Variants in RIPK2 observed in about 807,000 individuals in gnomAD.
RIPK2 encodes the protein receptor-interacting serine/threonine-protein kinase 2.
In RIPK2, 38 loss-of-function variants were observed where a neutral mutation model predicts 60.9. That is an observed-to-expected ratio of 0.62 (90% confidence interval 0.48 to 0.82). RIPK2 has a LOEUF of 0.82. Ranked by LOEUF, RIPK2 falls within the 40% of genes least tolerant of loss-of-function variation. The pLI is 0.00. For synonymous variants in RIPK2, 225 were observed against 223.4 expected, an observed-to-expected ratio of 1.01 and a Z score of -0.06; for missense variants, 518 against 647.0, an observed-to-expected ratio of 0.80 and a Z score of 2.16.
chr8:89,772,706 A>G lies in RIPK2; in HGVS notation c.731A>G (p.Gln244Arg). The G allele has an allele frequency of 6.2e-7, 1 of 1,611,356 alleles. No homozygotes were observed. The highest frequency in any genetic ancestry group is 8.5e-7 in the Non-Finnish European group (1 of 1,178,170). Residue 244 changes from glutamine (Q) to arginine (R), a missense_variant, in exon 6 of 11, where the codon CAA becomes CGA. Physicochemically the swap from Gln to Arg is conservative, Grantham distance 43. This residue lies in a region of RIPK2 where 448 missense variants were observed against 534.7 expected (regional missense o/e 0.84). Coordinates refer to ENST00000220751, the MANE Select transcript of RIPK2 (RefSeq NM_003821.6). The stretch of plus-strand genomic sequence containing the variant: ...TTGCAGATAATGTATAGTGTGTCAC[A>G]AGGACATCGACCTGTTATTAATGAA... Reference protein sequence around the residue: ...NPLQIMYSVSQGHRPVINEES... With the variant: ...NPLQIMYSVSRGHRPVINEES...
intron 3 of RIPK2, among the ~76,000 whole-genome samples, chr8:89,767,270 TA>T (rs1400354406): frequency 6.6e-6 from 1 of 151,766 alleles, no homozygotes; most frequent in Non-Finnish European, 1.5e-5. Flanking sequence ...TTTGAGTAAT[TA>T]ATACTAAATG....
chr8:89,773,735 A>T (rs1230766441), intron 6 of RIPK2, among the ~76,000 whole-genome samples: 1 of 152,212 alleles, frequency 6.6e-6, no homozygotes, highest in African/African-American at 2.4e-5. Context: ...GAGTTACAGA[A>T]TTAAGATAGT....
In RIPK2 at chr8:89,769,779, AT is replaced by A; in HGVS notation, c.495del (p.Phe165LeufsTer8). ...LDNEFHVKIA[D>X]FGLSKWRMMS... Reference sequence around the variant, plus strand: ...TGCTCTTGTCCCTTACAGATTGCAGATTTTGGTTTATCAAAGTGGCGCATGA... The same window carrying A: ...TGCTCTTGTCCCTTACAGATTGCAGATTTGGTTTATCAAAGTGGCGCATGA... On this transcript the variant is annotated frameshift_variant, in exon 4 of 11. Transcript: ENST00000220751. LOFTEE classifies it high-confidence loss of function. 6.3e-7 allele frequency: 1 copy of A among 1,589,984 alleles called. No individual in the cohort carries two copies. The highest frequency in any genetic ancestry group is 8.5e-7 in the Non-Finnish European group (1 of 1,170,396).
At chr8:89,763,091 C>A in intron 2 of RIPK2, 109 bp downstream of exon 2, 1 of 672,546 alleles carries the variant, frequency 1.5e-6, no homozygotes, top group Non-Finnish European at 2.2e-6. Flanking sequence ...ATAGATGAAT[C>A]AAAGAATAAT....
Position 89,758,172 on chromosome 8 carries a change from G to T in RIPK2, c.112G>T (p.Ala38Ser). ...TGGCACTGTGTCGTCCGCCCGCCAC[G>T]CAGACTGGCGCGTCCAGGTGGCCGT... ...ASGTVSSARHADWRVQVAVKH... is the reference protein window; with the variant it reads ...ASGTVSSARHSDWRVQVAVKH... Residue 38 changes from alanine to serine, a missense_variant, in exon 1 of 11, where the codon GCA becomes TCA. Around this residue, in one of 3 missense-constraint regions of RIPK2, gnomAD observed 448 missense variants for 534.7 expected, o/e 0.84. Transcript: ENST00000220751. 1.2e-6 allele frequency: 2 copies of T among 1,609,644 alleles called. No homozygotes were observed. The highest frequency in any genetic ancestry group is 1.7e-6 in the Non-Finnish European group (2 of 1,178,594).
intron 9 of RIPK2, among the ~76,000 whole-genome samples, chr8:89,787,099 G>T (rs1303831267): frequency 1.3e-5 from 2 of 152,076 alleles, no homozygotes; most frequent in Admixed American, 1.3e-4. Flanking sequence ...CTGGGAGGGA[G>T]GTTGCAGTGA....
intron 3 of RIPK2, among the ~76,000 whole-genome samples, chr8:89,767,148 A>T (rs1178463677): frequency 3.3e-5 from 5 of 151,704 alleles, no homozygotes; most frequent in Non-Finnish European, 7.4e-5. Flanking sequence ...GTAATCTGTG[A>T]TCCACCTTGA....
rs142758819 is a variant in RIPK2 at position 89,758,141 on chromosome 8, C to T, written c.81C>T (p.Gly27=). The change falls in exon 1 of 11, where the codon GGC becomes GGT. Residue 27 remains glycine, a synonymous_variant. Transcript: ENST00000220751. ...KLADLRYLSR[G]ASGTVSSARH... ...CCGACCTGCGCTACCTGAGCCGCGGCGCCTCTGGCACTGTGTCGTCCGCCC... is the reference window on the plus strand; with the variant it reads ...CCGACCTGCGCTACCTGAGCCGCGGTGCCTCTGGCACTGTGTCGTCCGCCC... The T allele has an allele frequency of 2.1e-4, 343 of 1,599,426 alleles. 1 individual carries two copies. In the African/African-American group the frequency reaches 4.0e-3, roughly 19 times the overall value.
intron 6 of RIPK2, 147 bp from the exon 7 acceptor site, chr8:89,779,928 T>C: frequency 1.8e-6 from 1 of 569,308 alleles, no homozygotes; most frequent in South Asian, 2.1e-5. Context: ...TGTCTATCTT[T>C]ATGTCAGTAA....
intron 6 of RIPK2, 152 bp from the exon 7 acceptor site, chr8:89,779,923 A>G (rs1809470558): frequency 1.8e-6 from 1 of 558,624 alleles, no homozygotes; most frequent in African/African-American, 2.0e-5. Context: ...GCTTATGTCT[A>G]TCTTTATGTC....
chr8:89,785,308 C>T (rs1183132467), intron 8 of RIPK2, among the ~76,000 whole-genome samples: 1 of 152,104 alleles, frequency 6.6e-6, no homozygotes, highest in Non-Finnish European at 1.5e-5. Context: ...AACCCCATCT[C>T]TACTAAACAT....
At chr8:89,783,841 A>C (rs1476637467) in intron 7 of RIPK2, among the ~76,000 whole-genome samples, 2 of 152,212 alleles carry the variant, frequency 1.3e-5, no homozygotes, top group Non-Finnish European at 2.9e-5. Flanking sequence ...ACCAATTAAT[A>C]TGAGCCAGGA....
At chr8:89,775,342 T>C (rs970630866) in intron 6 of RIPK2, among the ~76,000 whole-genome samples, 1 of 152,086 alleles carries the variant, frequency 6.6e-6, no homozygotes. Context: ...TCCCAGCTAC[T>C]TGGGAGGCTG....
Position 89,789,463 on chromosome 8 carries a change from C to A in RIPK2, c.1266C>A (p.Leu422=). ...TPCSSAIINP[L]STAGNSERLQ... The stretch of plus-strand genomic sequence containing the variant: ...GCTCTTCAGCAATAATAAATCCACT[C>A]TCAACTGCAGGAAACTCAGGTAAAT... Residue 422 remains leucine (L), a synonymous_variant, in exon 10 of 11, where the codon CTC becomes CTA. Coordinates refer to ENST00000220751, the MANE Select transcript of RIPK2 (RefSeq NM_003821.6). The A allele has an allele frequency of 6.2e-7, 1 of 1,613,674 alleles. No individual in the cohort carries two copies. Among genetic ancestry groups the A allele is most frequent in the Non-Finnish European group, 8.5e-7 (1 of 1,179,900 alleles).
intron 6 of RIPK2, among the ~76,000 whole-genome samples, chr8:89,778,992 T>G (rs1023504728): frequency 1.3e-5 from 2 of 152,236 alleles, no homozygotes; most frequent in African/African-American, 4.8e-5. Flanking sequence ...TAATTATATT[T>G]TAGTGAGTAT....
chr8:89,762,697 G>T, intron 1 of RIPK2, 132 bp from the exon 2 acceptor site: 3 of 451,742 alleles, frequency 6.6e-6, no homozygotes, highest in South Asian at 1.2e-4. Context: ...TGAAACTAAG[G>T]TGCAGAGAAG....
intron 6 of RIPK2, 101 bp from the exon 7 acceptor site, chr8:89,779,974 G>T: frequency 1.6e-6 from 1 of 626,622 alleles, no homozygotes; most frequent in Non-Finnish European, 2.8e-6. Context: ...TCATCACTTT[G>T]GGGAAAAACT....
intron 8 of RIPK2, among the ~76,000 whole-genome samples, chr8:89,784,773 TTTATA>T (rs1405474724): frequency 6.6e-6 from 1 of 152,150 alleles, no homozygotes; most frequent in African/African-American, 2.4e-5. Context: ...GAGTAGGTAA[TTTATA>T]AAGAAAAGAG....
In RIPK2 at chr8:89,766,401, G is replaced by A. The variant is rs570804265; in HGVS notation, c.483+905G>A. 3.3e-5 allele frequency among the ~76,000 whole-genome samples: 5 copies of A among 151,884 alleles called. No homozygotes were observed. In the South Asian group the frequency reaches 1.0e-3, roughly 31 times the overall value. On this transcript the variant is annotated intron_variant, in intron 3 of 10. Transcript: ENST00000220751. ...AGGGTGTGTTTAGTTTTTAAAGAAA[G>A]TATCCAACTATTTTCCAGAGTGGCT...
Sources: allele counts gnomAD v4.1 joint callset (sites outside exome capture counted in the v4.1 genomes callset), GRCh38; gene constraint gnomAD v4.1.1; regional missense constraint gnomAD v4.1.1; transcripts MANE v1.5; gene names NCBI Gene and HGNC (gene_info 2026-07-23, HGNC 2026-07-21).